The following ADGRD2 variants were observed in gnomAD, a reference collection of about 807,000 sequenced individuals.
The protein encoded by ADGRD2 is adhesion G protein-coupled receptor D2.
ADGRD2 carries 71 observed loss-of-function variants against 44.4 expected under a neutral mutation model. The observed-to-expected ratio is 1.60, with a 90% confidence interval of 1.32 to 1.95. The LOEUF (loss-of-function observed/expected upper bound fraction) is 1.95. Among genes scored for constraint, ADGRD2 ranks in the 30% most tolerant of loss-of-function variants. The pLI, the probability that ADGRD2 is intolerant of heterozygous loss-of-function variation, is 0.00. For missense variants in ADGRD2, 1,039 were observed against 512.4 expected (o/e 2.03, Z -9.92); for synonymous variants, 481 against 224.8 (o/e 2.14, Z -10.19).
intron 16 of ADGRD2, 136 bp from the exon 20 acceptor site, chr9:124,470,358 A>G (rs930548579): frequency 1.7e-6 from 1 of 590,110 alleles, no homozygotes; most frequent in Non-Finnish European, 3.1e-6. Context: ...GGCTCCCTCT[A>G]AGTCCTGCTG....
chr9:124,475,699 C>T (rs893774194), intron 19 of ADGRD2, 84 bp downstream of exon 22: 24 of 563,426 alleles, frequency 4.3e-5, no homozygotes, highest in Middle Eastern at 9.1e-4. Flanking sequence ...CTTTAAGTCC[C>T]GTGCCAGCCC....
At chr9:124,452,629 C>T in exon 2 of ADGRD2, 1 of 718,344 alleles carries the variant, frequency 1.4e-6, no homozygotes, top group Non-Finnish European at 2.6e-6. Flanking sequence ...CCACTTGGCA[C>T]TGCAGCCCCC....
chr9:124,470,675 C>T (rs1007401995), intron 17 of ADGRD2, 61 bp downstream of exon 20: 12 of 656,128 alleles, frequency 1.8e-5, no homozygotes, highest in Admixed American at 8.4e-5. Flanking sequence ...TCAGAGGGGA[C>T]GACTAGGGTG....
At chr9:124,466,263 C>A in exon 11 of ADGRD2, 1 of 667,756 alleles carries the variant, frequency 1.5e-6, no homozygotes, top group Non-Finnish European at 2.8e-6. Context: ...TCAAGAGCCC[C>A]CTGTTCCCTC....
chr9:124,467,901 G>A (rs530383284), intron 12 of ADGRD2, 77 bp downstream of exon 15: 43 of 711,106 alleles, frequency 6.0e-5, no homozygotes, highest in African/African-American at 4.0e-4. Context: ...CCCATTGGTC[G>A]GGTGTCCATC....
intron 21 of ADGRD2, chr9:124,477,198 G>A (rs1335268429): frequency 1.3e-5 from 5 of 388,534 alleles, no homozygotes; most frequent in Admixed American, 3.0e-5. Flanking sequence ...GGCATGACGG[G>A]GGCTGAGCAG....
chr9:124,467,478 A>G (rs1831846366), intron 11 of ADGRD2: 1 of 516,968 alleles, frequency 1.9e-6, no homozygotes, highest in Non-Finnish European at 3.4e-6. Flanking sequence ...CACTCTTAGT[A>G]ATTGTCCAGT....
exon 3 of ADGRD2, chr9:124,453,547 C>G: frequency 1.4e-6 from 1 of 697,748 alleles, no homozygotes. Flanking sequence ...GGCGCTGAGC[C>G]CCGCTCAGCT....
At chr9:124,458,198 G>A (rs1352207909) in exon 9 of ADGRD2, 1 of 718,526 alleles carries the variant, frequency 1.4e-6, no homozygotes, top group East Asian at 2.7e-5. Context: ...TAGAGCCCCA[G>A]GCCCCTGCCA....
rs750377126 is a variant in ADGRD2, at chr9:124,455,130, G to A, written c.1393+3G>A. 1 of 695,864 alleles carries A rather than the reference G, an allele frequency of 1.4e-6. No individual in the cohort carries two copies. Among genetic ancestry groups the A allele is most frequent in the East Asian group, 2.7e-5 (1 of 36,842 alleles). The allele number at this position is 695,864 out of a possible 1,614,324, so 43.1% of individuals were successfully genotyped here. On this transcript the variant is annotated splice_donor_region_variant and intron_variant, in intron 6 of 21. Transcript: ENST00000334810. ...ACACATGGCTCTCCCTCCGTGAAGT[G>A]AGGCTGGCAGGGCTGGGTGGGGCAG...
At chr9:124,456,341 G>A (rs531017528) in intron 6 of ADGRD2, among the ~76,000 whole-genome samples, 1 of 152,240 alleles carries the variant, frequency 6.6e-6, no homozygotes, top group East Asian at 1.9e-4. Flanking sequence ...CAGCAAAGGG[G>A]TAGGCATGGC....
chr9:124,452,527 G>T lies in ADGRD2; in HGVS notation c.88G>T (p.Glu30Ter). Residue 30 changes from glutamate to a stop codon, truncating the protein, a stop_gained, in exon 2 of 22, where the codon GAG (glutamate) becomes TAG (stop). Transcript: ENST00000334810. LOFTEE classifies it high-confidence loss of function. Reference sequence around the variant, plus strand: ...GTTTTTAGCCCCCGTGGCCGCCGGCGAGGTGGTGAAGACTGCAGGTGGGGT... The same window carrying T: ...GTTTTTAGCCCCCGTGGCCGCCGGCTAGGTGGTGAAGACTGCAGGTGGGGT... 1 of 718,574 alleles carries T rather than the reference G, an allele frequency of 1.4e-6. No homozygotes were observed. The allele number at this position is 718,574 out of a possible 1,614,324, so 44.5% of individuals were successfully genotyped here.
chr9:124,473,974 GT>G (rs971984667), intron 17 of ADGRD2, among the ~76,000 whole-genome samples: 7 of 152,098 alleles, frequency 4.6e-5, no homozygotes, highest in African/African-American at 1.4e-4. Context: ...CCTCAAAGCT[GT>G]TGTAAAGAGC....
chr9:124,455,183 C>T, intron 6 of ADGRD2, 56 bp downstream of exon 9: 1 of 623,234 alleles, frequency 1.6e-6, no homozygotes, highest in East Asian at 2.7e-5. Flanking sequence ...CCAGCCTAGC[C>T]ACCAGCTGGT....
At chr9:124,459,778 A>G (rs1222271965) in intron 10 of ADGRD2, among the ~76,000 whole-genome samples, 1 of 151,916 alleles carries the variant, frequency 6.6e-6, no homozygotes, top group Non-Finnish European at 1.5e-5. Flanking sequence ...AGTATACAGG[A>G]GCATGTGTTT....
intron 17 of ADGRD2, among the ~76,000 whole-genome samples, 198 bp downstream of exon 20, chr9:124,470,812 G>A (rs761259472): frequency 3.9e-5 from 6 of 152,250 alleles, no homozygotes; most frequent in Non-Finnish European, 7.3e-5. Context: ...AGCGGTTCGT[G>A]CAGGAGGCTC....
exon 14 of ADGRD2, chr9:124,468,588 G>C (rs1250640086): frequency 2.8e-6 from 2 of 718,634 alleles, no homozygotes; most frequent in South Asian, 3.0e-5. Context: ...GATGCTGGTG[G>C]AGGGGCTGCT....
chr9:124,469,401 G>C, intron 15 of ADGRD2, 31 bp from the exon 19 acceptor site: 1 of 718,196 alleles, frequency 1.4e-6, no homozygotes, highest in Non-Finnish European at 2.6e-6. Flanking sequence ...GGATGGGGAA[G>C]TCCTCTTGCC....
At chr9:124,451,135 A>AACTC (rs1307670507), upstream of ADGRD2, 4 of 472,208 alleles carry the variant, frequency 8.5e-6, no homozygotes, top group East Asian at 2.8e-4. Context: ...AGAGGAGGGA[A>AACTC]ACTCAGAAAT....
Sources: gnomAD v4.1 joint callset for allele counts (sites outside exome capture counted in the v4.1 genomes callset) on GRCh38, gnomAD v4.1.1 for gene constraint, MANE v1.5 for transcripts, NCBI Gene and HGNC (gene_info 2026-07-23, HGNC 2026-07-21) for gene names.